Variants in RPF2 observed in about 807,000 individuals in gnomAD.
RPF2 encodes ribosome production factor 2 homolog, also known as brix domain containing 1.
Under a neutral mutation model 38.9 loss-of-function variants are expected in RPF2, and 21 were observed. The observed-to-expected ratio is 0.54, with a 90% CI of 0.38 to 0.78. The LOEUF is 0.78. Among genes scored for constraint, RPF2 ranks in the 30% least tolerant of loss-of-function variants. The pLI, the probability that RPF2 is intolerant of heterozygous loss-of-function variation, is 0.00. For missense variants in RPF2, 314 were observed against 358.1 expected (o/e 0.88, Z 0.99); for synonymous variants, 121 against 126.2 (o/e 0.96, Z 0.28).
rs112649567 is a variant in RPF2 at position 111,024,491 on chromosome 6, A to G, written c.741+164A>G. 0.031 allele frequency among the ~76,000 whole-genome samples: 4,728 copies of G among 152,184 alleles called. 111 individuals carry two copies. Among genetic ancestry groups the G allele is most frequent in the Middle Eastern group, 0.058 (17 of 294 alleles). ...CACTTTGGGAGGCCGAAGTGGGTGG[A>G]TCACAAGGTCAGGAGATCGAGACCA... is the stretch of plus-strand genomic sequence containing the variant. On this transcript the variant is annotated intron_variant, in intron 9 of 9. Transcript: ENST00000441448.
At position 111,024,267 on chromosome 6, in the gene RPF2, G is replaced by A. The variant is rs773482871; in HGVS notation, c.681G>A (p.Arg227=). Residue 227 remains arginine, a synonymous_variant, in exon 9 of 10, where the codon AGG becomes AGA. Transcript: ENST00000441448. ...CCTCATTGGATCTGGTTCTGAGGAG[G>A]ACACACCTGGCATCGGATGACCTTT... ...MGPSLDLVLR[R]THLASDDLYK... 1 of 1,612,034 alleles carries A rather than the reference G, an allele frequency of 6.2e-7. No individual in the cohort carries two copies. The highest frequency in any genetic ancestry group is 8.5e-7 in the Non-Finnish European group (1 of 1,179,932).
At chr6:111,012,161 C>CTTTTT (rs1303897053) in intron 7 of RPF2, among the ~76,000 whole-genome samples, 1 of 124,636 alleles carries the variant, frequency 8.0e-6, no homozygotes, top group African/African-American at 3.0e-5. Flanking sequence ...TTGTTTACAT[C>CTTTTT]ATTTTTTTTT....
chr6:111,017,233 G>A (rs1772133930), intron 8 of RPF2, among the ~76,000 whole-genome samples: 1 of 152,088 alleles, frequency 6.6e-6, no homozygotes, highest in African/African-American at 2.4e-5. Context: ...GGGTAGAGGG[G>A]CTCCTCACTT....
At chr6:110,994,920 A>G (rs938977171) in intron 4 of RPF2, among the ~76,000 whole-genome samples, 3 of 152,036 alleles carry the variant, frequency 2.0e-5, no homozygotes, top group African/African-American at 4.8e-5. Flanking sequence ...ATATATTTTA[A>G]TTGAGACAGG....
chr6:111,016,281 C>G (rs1380888862), intron 8 of RPF2, among the ~76,000 whole-genome samples: 1 of 152,010 alleles, frequency 6.6e-6, no homozygotes, highest in Non-Finnish European at 1.5e-5. Flanking sequence ...CCTTCTACCC[C>G]TACCACAATA....
At chr6:110,993,134 A>G (rs1016897724) in intron 4 of RPF2, among the ~76,000 whole-genome samples, 1 of 152,038 alleles carries the variant, frequency 6.6e-6, no homozygotes, top group Non-Finnish European at 1.5e-5. Flanking sequence ...TTGTAGAGAT[A>G]GGGCTTTGCC....
intron 8 of RPF2, among the ~76,000 whole-genome samples, chr6:111,020,406 C>T (rs1028583061): frequency 1.3e-5 from 2 of 152,142 alleles, no homozygotes; most frequent in African/African-American, 4.8e-5. Context: ...GGTAAAAAAT[C>T]ATTGACAGTA....
chr6:111,016,264 G>C (rs1232296041), intron 8 of RPF2, among the ~76,000 whole-genome samples: 1 of 152,076 alleles, frequency 6.6e-6, no homozygotes, highest in Non-Finnish European at 1.5e-5. Flanking sequence ...TGTCTCTCTA[G>C]CCTAGGCCTT....
At chr6:111,008,810 G>C (rs9372288) in intron 7 of RPF2, among the ~76,000 whole-genome samples, 19,603 of 150,042 alleles carry the variant, frequency 0.13, 1,756 homozygotes, top group East Asian at 0.5. Flanking sequence ...TTCTGATATT[G>C]CTCTTATTTA....
intron 6 of RPF2, among the ~76,000 whole-genome samples, chr6:111,005,838 C>T (rs1012867396): frequency 3.3e-5 from 5 of 151,864 alleles, no homozygotes; most frequent in African/African-American, 1.2e-4. Flanking sequence ...TTTCTTGAGA[C>T]GGAGTCTCTG....
intron 6 of RPF2, among the ~76,000 whole-genome samples, chr6:111,003,019 C>T (rs1472043106): frequency 6.6e-6 from 1 of 152,144 alleles, no homozygotes; most frequent in East Asian, 1.9e-4. Flanking sequence ...GCCTCAGCCT[C>T]CCAGAGTGCT....
chr6:111,019,784 A>C (rs1772197065), intron 8 of RPF2, among the ~76,000 whole-genome samples: 1 of 152,238 alleles, frequency 6.6e-6, no homozygotes, highest in East Asian at 1.9e-4. Flanking sequence ...GGCTATGTAT[A>C]TAAACTGTAT....
intron 4 of RPF2, 93 bp from the exon 5 acceptor site, chr6:110,997,090 C>T (rs1053273971): frequency 5.1e-6 from 4 of 777,552 alleles, no homozygotes; most frequent in South Asian, 3.0e-5. Flanking sequence ...TGTGAGCCAC[C>T]GTGCCTGGCC....
intron 6 of RPF2, among the ~76,000 whole-genome samples, chr6:111,005,118 A>G (rs923225891): frequency 4.6e-5 from 7 of 152,112 alleles, no homozygotes; most frequent in Admixed American, 1.3e-4. Context: ...CAGCTTCTGT[A>G]TCAGACAGAC....
chr6:110,985,740 C>A (rs1771513318), intron 2 of RPF2, among the ~76,000 whole-genome samples: 1 of 151,998 alleles, frequency 6.6e-6, no homozygotes, highest in African/African-American at 2.4e-5. Context: ...AAGTTCGAGA[C>A]CAGCCTGGCC....
rs1367585077 is a variant in RPF2 at position 111,028,191 on chromosome 6, A to T, written c.*2609A>T. On this transcript the variant is annotated 3_prime_UTR_variant, in exon 10 of 10. Coordinates refer to ENST00000441448, the MANE Select transcript of RPF2 (RefSeq NM_032194.3). ...TGCTGTTTGTTTTCTTGGTTATTGA[A>T]CATAATCCAAAGTAGAGATGTTATT... is the stretch of plus-strand genomic sequence containing the variant. 6.6e-6 allele frequency: 1 copy of T among 151,980 alleles called. No homozygotes were observed. The highest frequency in any genetic ancestry group is 1.5e-5 in the Non-Finnish European group (1 of 67,992). 9.4% of individuals were successfully genotyped at this position (151,980 alleles called of 1,614,324 possible). A position where few individuals can be genotyped will look rare whatever the true frequency, so the allele number is the denominator to read the frequency against.
chr6:110,997,254 T>C lies in RPF2; in HGVS notation c.306T>C (p.Asn102=), dbSNP rs1562368645. ...FGSHNKKRPN[N]LVIGRMYDYH... The stretch of plus-strand genomic sequence containing the variant: ...CCCATAATAAGAAGCGGCCAAATAA[T>C]CTAGTAATAGGTAAGTATAATTTAC... The change falls in exon 5 of 10, where the codon AAT becomes AAC. Residue 102 remains asparagine, a synonymous_variant. Transcript: ENST00000441448. 2.5e-6 allele frequency: 4 copies of C among 1,572,040 alleles called. No individual in the cohort carries two copies. Among genetic ancestry groups the C allele is most frequent in the Non-Finnish European group, 3.5e-6 (4 of 1,143,798 alleles).
chr6:111,008,898 C>CTTTTTTTTGTTTTTTTTTTTTTTT (rs1771963207), intron 7 of RPF2, among the ~76,000 whole-genome samples: 1 of 120,418 alleles, frequency 8.3e-6, no homozygotes, highest in African/African-American at 3.3e-5. Context: ...TTCCTGGCTC[C>CTTTTTTTTGTTTTTTTTTTTTTTT]TTTTTTTTTT....
chr6:111,017,373 G>A (rs1413245622), intron 8 of RPF2, among the ~76,000 whole-genome samples: 1 of 146,024 alleles, frequency 6.8e-6, no homozygotes, highest in Non-Finnish European at 1.5e-5. Flanking sequence ...CCTCCCTCCT[G>A]GACGGGGCGG....
Sources: gnomAD v4.1 joint callset for allele counts (sites outside exome capture counted in the v4.1 genomes callset) on GRCh38, gnomAD v4.1.1 for gene constraint, MANE v1.5 for transcripts, NCBI Gene and HGNC (gene_info 2026-07-23, HGNC 2026-07-21) for gene names.